Variants in MCF2L2 observed in about 807,000 individuals in gnomAD.
The protein encoded by MCF2L2 is probable guanine nucleotide exchange factor MCF2L2.
Under a neutral mutation model 150.2 loss-of-function variants are expected in MCF2L2, and 102 were observed. The ratio of observed to expected loss-of-function variants is 0.68; its 90% CI spans 0.58 to 0.80. The LOEUF (loss-of-function observed/expected upper bound fraction) is 0.80, where lower values mean the gene tolerates loss of function less well. Among genes scored for constraint, MCF2L2 ranks in the 30% least tolerant of loss-of-function variants. The pLI, the probability that MCF2L2 is intolerant of heterozygous loss-of-function variation, is 0.00. For synonymous variants in MCF2L2, 465 were observed against 491.3 expected (o/e 0.95, Z 0.71); for missense variants, 1,256 against 1,372.8 (o/e 0.91, Z 1.34).
intron 5 of MCF2L2, among the ~76,000 whole-genome samples, chr3:183,332,980 G>A (rs1730329154): frequency 1.3e-5 from 2 of 152,124 alleles, no homozygotes; most frequent in Admixed American, 1.3e-4. Context: ...AGAAAAATGA[G>A]AAAAATCCCT....
intron 13 of MCF2L2, among the ~76,000 whole-genome samples, chr3:183,290,581 TG>T (rs1373706522): frequency 1.3e-5 from 2 of 152,022 alleles, no homozygotes; most frequent in African/African-American, 4.8e-5. Context: ...GTCGCCAGGC[TG>T]GAGTGCAGTG....
intron 18 of MCF2L2, chr3:183,226,278 A>G (rs1723339687): frequency 1.3e-5 from 2 of 152,238 alleles, no homozygotes. Context: ...CCTCGTCTCT[A>G]CTAAAAATAC....
Position 183,181,762 on chromosome 3 carries a change from G to A in MCF2L2, c.3017-1603C>T, listed in dbSNP as rs1721530771. Among the ~76,000 whole-genome samples the A allele has an allele frequency of 6.6e-6, 1 of 152,184 alleles. No homozygotes were observed. The highest frequency in any genetic ancestry group is 2.4e-5 in the African/African-American group (1 of 41,442). ...GCCTCTGTGCCCCGGATGATGCCAG[G>A]GCTGCTAGGGACCATAGAGCCACCC... On this transcript the variant is annotated intron_variant, in intron 27 of 29. Transcript: ENST00000328913. This position sits in a 1 kb window ranked among gnomAD's most constrained non-coding sequence, Gnocchi z 4.3.
At chr3:183,319,106 T>G (rs1196155390) in intron 6 of MCF2L2, among the ~76,000 whole-genome samples, 2 of 152,240 alleles carry the variant, frequency 1.3e-5, no homozygotes, top group Admixed American at 1.3e-4. Context: ...AAAATTGGAG[T>G]TAATCCTCTC....
intron 1 of MCF2L2, among the ~76,000 whole-genome samples, chr3:183,425,580 C>T (rs1396536428): frequency 1.3e-5 from 2 of 152,150 alleles, no homozygotes; most frequent in Non-Finnish European, 2.9e-5. Flanking sequence ...GAGGCTGTTG[C>T]AGGGTTAGAG....
chr3:183,323,680 C>T (rs575881049), intron 5 of MCF2L2, among the ~76,000 whole-genome samples: 75 of 151,818 alleles, frequency 4.9e-4, no homozygotes, highest in African/African-American at 1.7e-3. Context: ...CACCTGTGGC[C>T]CCAGCTACTT....
intron 10 of MCF2L2, among the ~76,000 whole-genome samples, chr3:183,301,667 C>T (rs927949558): frequency 3.9e-5 from 6 of 151,924 alleles, no homozygotes; most frequent in East Asian, 3.9e-4. Context: ...TGGCAGCATG[C>T]GCCGATAGTC....
At chr3:183,238,812 A>G (rs1723865798) in intron 15 of MCF2L2, among the ~76,000 whole-genome samples, 2 of 151,252 alleles carry the variant, frequency 1.3e-5, no homozygotes, top group South Asian at 4.2e-4. Context: ...CCTGGCTAAC[A>G]CGGTGAAACC....
chr3:183,270,555 A>G lies in MCF2L2; in HGVS notation c.1862+6317T>C. 1.2e-6 allele frequency: 2 copies of G among 1,614,200 alleles called. No homozygotes were observed. The highest frequency in any genetic ancestry group is 1.7e-6 in the Non-Finnish European group (2 of 1,180,042). On this transcript the variant is annotated intron_variant, in intron 15 of 29. Transcript: ENST00000328913. The surrounding 1 kb of genome is among the most constrained non-coding windows in gnomAD (Gnocchi z 4.5). ...CCAGTGGCCAGCTTACCCTGACTAC[A>G]CAGCCGGAGCTGCCTATGTAATCTC...
intron 22 of MCF2L2, among the ~76,000 whole-genome samples, chr3:183,211,282 A>T (rs1044007210): frequency 6.6e-6 from 1 of 152,098 alleles, no homozygotes; most frequent in African/African-American, 2.4e-5. Flanking sequence ...ATCTCCGCGA[A>T]CTTGGCTTTG....
chr3:183,201,624 C>T (rs145702608), intron 25 of MCF2L2, among the ~76,000 whole-genome samples: 3,611 of 152,262 alleles, frequency 0.024, 61 homozygotes, highest in Non-Finnish European at 0.034. Context: ...ATTTCTTTCT[C>T]CTGCCTGATT....
At chr3:183,251,370 G>A (rs1413269620) in intron 15 of MCF2L2, among the ~76,000 whole-genome samples, 1 of 152,056 alleles carries the variant, frequency 6.6e-6, no homozygotes, top group South Asian at 2.1e-4. Context: ...CATCTCCCAG[G>A]TTCTCTTGTA....
At chr3:183,203,324 T>A (rs1722361176) in intron 25 of MCF2L2, among the ~76,000 whole-genome samples, 1 of 152,070 alleles carries the variant, frequency 6.6e-6, no homozygotes, top group African/African-American at 2.4e-5. Context: ...TTAAAGGAAA[T>A]CATATATAAA....
intron 11 of MCF2L2, 193 bp from the exon 12 acceptor site, chr3:183,297,360 CTGA>C: frequency 1.8e-6 from 1 of 552,082 alleles, no homozygotes; most frequent in South Asian, 2.3e-5. Context: ...CCCAAACCAG[CTGA>C]TACCTGTCCA....
chr3:183,420,256 C>T (rs918292598), intron 1 of MCF2L2, among the ~76,000 whole-genome samples: 1 of 152,150 alleles, frequency 6.6e-6, no homozygotes, highest in South Asian at 2.1e-4. Context: ...TATAGCAGTA[C>T]CCCCACTCTT....
At chr3:183,292,568 C>T (rs933015630) in intron 13 of MCF2L2, among the ~76,000 whole-genome samples, 14 of 151,770 alleles carry the variant, frequency 9.2e-5, no homozygotes, top group African/African-American at 3.2e-4. Context: ...CACACACACA[C>T]ACACACACAC....
intron 25 of MCF2L2, among the ~76,000 whole-genome samples, chr3:183,201,337 T>G (rs1722276886): frequency 6.6e-6 from 1 of 152,210 alleles, no homozygotes; most frequent in Non-Finnish European, 1.5e-5. Context: ...GAAGAGGTCC[T>G]TCACATCCCT....
At chr3:183,254,317 G>C (rs917585438) in intron 15 of MCF2L2, 3 of 151,852 alleles carry the variant, frequency 2.0e-5, no homozygotes, top group Non-Finnish European at 4.4e-5. Flanking sequence ...GACCGCGCAC[G>C]GCCCAGCGCC....
chr3:183,317,519 T>C (rs1365263786), intron 7 of MCF2L2, among the ~76,000 whole-genome samples: 1 of 152,128 alleles, frequency 6.6e-6, no homozygotes, highest in Non-Finnish European at 1.5e-5. Context: ...GACCTTCAAC[T>C]CAGGACAGGG....
Sources: gnomAD v4.1 joint callset for allele counts (sites outside exome capture counted in the v4.1 genomes callset) on GRCh38, gnomAD v4.1.1 for gene constraint, Gnocchi (gnomAD v3.1) non-coding constraint, MANE v1.5 for transcripts, NCBI Gene and HGNC (gene_info 2026-07-23, HGNC 2026-07-21) for gene names.